Variants in RORA observed in about 807,000 individuals in gnomAD.
RORA encodes nuclear receptor ROR-alpha.
Under a neutral mutation model 69.5 loss-of-function variants are expected in RORA, and 7 were observed. That is an observed-to-expected ratio of 0.10 (90% CI 0.06 to 0.19). The LOEUF (loss-of-function observed/expected upper bound fraction) is 0.19, where lower values mean the gene tolerates loss of function less well. RORA is among the 10% of genes least tolerant of loss of function. The pLI, the probability that RORA is intolerant of heterozygous loss-of-function variation, is 1.00. For synonymous variants in RORA, 261 were observed against 240.8 expected (o/e 1.08, Z -0.78); for missense variants, 457 against 663.0 (o/e 0.69, Z 3.41).
intron 1 of RORA, among the ~76,000 whole-genome samples, chr15:61,083,157 T>C (rs752360538): frequency 6.6e-6 from 1 of 152,192 alleles, no homozygotes; most frequent in Admixed American, 6.5e-5. Flanking sequence ...GCAGGATTCT[T>C]TCTCTTGTGC....
chr15:61,133,661 G>A (rs1187946336), intron 1 of RORA, among the ~76,000 whole-genome samples: 1 of 152,108 alleles, frequency 6.6e-6, no homozygotes, highest in African/African-American at 2.4e-5. Flanking sequence ...CTGGGGCCAC[G>A]ACTACATTCA....
chr15:61,183,444 A>G (rs2079707942), intron 1 of RORA, among the ~76,000 whole-genome samples: 1 of 152,026 alleles, frequency 6.6e-6, no homozygotes, highest in Admixed American at 6.5e-5. Flanking sequence ...CTGAGGCAGG[A>G]AAATCGCTTG....
At chr15:60,962,696 G>C (rs1893449076) in intron 1 of RORA, among the ~76,000 whole-genome samples, 1 of 152,148 alleles carries the variant, frequency 6.6e-6, no homozygotes, top group South Asian at 2.1e-4. Context: ...AAACATGAAT[G>C]TTGCTCTTCA....
chr15:60,603,308 T>C (rs2068864077), intron 2 of RORA, among the ~76,000 whole-genome samples: 1 of 152,216 alleles, frequency 6.6e-6, no homozygotes, highest in Non-Finnish European at 1.5e-5. Flanking sequence ...TCATATGGGA[T>C]GGATATATAC....
intron 2 of RORA, among the ~76,000 whole-genome samples, chr15:60,589,429 G>A (rs1291135308): frequency 6.6e-6 from 1 of 152,186 alleles, no homozygotes; most frequent in African/African-American, 2.4e-5. Flanking sequence ...TGAAGCAAAG[G>A]GGTATATCAT....
At chr15:61,094,499 A>G (rs905028567) in intron 1 of RORA, among the ~76,000 whole-genome samples, 8 of 152,186 alleles carry the variant, frequency 5.3e-5, no homozygotes, top group Non-Finnish European at 8.8e-5. Context: ...TGCCCATCCA[A>G]TGAATATAGA....
intron 1 of RORA, among the ~76,000 whole-genome samples, chr15:60,957,197 G>C (rs185866709): frequency 1.3e-5 from 2 of 152,194 alleles, no homozygotes; most frequent in Admixed American, 6.5e-5. Context: ...TAGAATATGC[G>C]TTCAAGTAAG....
chr15:61,142,215 G>A (rs1437843903), intron 1 of RORA, among the ~76,000 whole-genome samples: 1 of 152,042 alleles, frequency 6.6e-6, no homozygotes, highest in African/African-American at 2.4e-5. Flanking sequence ...GAGTGTTTCA[G>A]CTGAATTCTC....
intron 1 of RORA, among the ~76,000 whole-genome samples, chr15:61,075,974 G>A (rs1018217366): frequency 6.6e-6 from 1 of 152,152 alleles, no homozygotes; most frequent in Non-Finnish European, 1.5e-5. Flanking sequence ...TTGTTACCCT[G>A]CTGAGGCAGC....
chr15:60,762,679 T>C (rs2071912781), intron 1 of RORA, among the ~76,000 whole-genome samples: 1 of 152,216 alleles, frequency 6.6e-6, no homozygotes, highest in African/African-American at 2.4e-5. Flanking sequence ...TCATTTTACT[T>C]GAAGCTACTG....
chr15:60,516,875 A>T (rs1005814455), intron 3 of RORA, among the ~76,000 whole-genome samples: 1 of 152,180 alleles, frequency 6.6e-6, no homozygotes, highest in African/African-American at 2.4e-5. Flanking sequence ...ATGGGATTCA[A>T]CCACTACAAA....
chr15:60,592,440 C>CAGGGAGAGCGG (rs2068555447), intron 2 of RORA: 1 of 1,420,560 alleles, frequency 7.0e-7, no homozygotes, highest in Non-Finnish European at 9.3e-7. Context: ...GCGGAGAGCG[C>CAGGGAGAGCGG]AGGGAGAGCG....
chr15:60,559,281 T>G (rs929692928), intron 2 of RORA, among the ~76,000 whole-genome samples: 7 of 152,224 alleles, frequency 4.6e-5, no homozygotes, highest in African/African-American at 1.4e-4. Flanking sequence ...TTTATCCTTT[T>G]TATGTTTTTT....
chr15:61,102,442 C>T (rs1185590134), intron 1 of RORA, among the ~76,000 whole-genome samples: 2 of 152,222 alleles, frequency 1.3e-5, no homozygotes, highest in African/African-American at 4.8e-5. Context: ...CTGTCAGAGC[C>T]ACAGCTGAGG....
chr15:60,893,387 G>T (rs1362399411), intron 1 of RORA, among the ~76,000 whole-genome samples: 1 of 152,198 alleles, frequency 6.6e-6, no homozygotes, highest in Non-Finnish European at 1.5e-5. Context: ...AGGGAAGAGG[G>T]TATTAAACAT....
rs1352326094 is a variant in RORA at position 60,595,488 on chromosome 15, C to T, written c.197-63637G>A. Among the ~76,000 whole-genome samples the T allele has an allele frequency of 1.3e-5, 2 of 151,636 alleles. 1 individual carries two copies. Among genetic ancestry groups the T allele is most frequent in the Non-Finnish European group, 2.9e-5 (2 of 67,940 alleles). ...TGAGATCACACCACTGCACTCCAGC[C>T]TGGGCGACAGAGCAATAATCTGTCT... On this transcript the variant is annotated intron_variant, in intron 2 of 10. Transcript: ENST00000335670.
In RORA at chr15:60,647,345, G is replaced by T. The variant is rs1657786; in HGVS notation, c.196+31312C>A. 3.8e-3 allele frequency among the ~76,000 whole-genome samples: 578 copies of T among 152,342 alleles called. 3 individuals carry two copies. Among genetic ancestry groups the T allele is most frequent in the African/African-American group, 0.013 (537 of 41,584 alleles). ...TGGGGTAGTTCCCTGAGCCAGAAAA[G>T]ACAGAGACTTATGAAGCCCTGCATA... On this transcript the variant is annotated intron_variant, in intron 2 of 10. Coordinates refer to ENST00000335670, the MANE Select transcript of RORA (RefSeq NM_134261.3).
chr15:60,664,709 A>T (rs965564950), intron 2 of RORA, among the ~76,000 whole-genome samples: 1 of 152,200 alleles, frequency 6.6e-6, no homozygotes, highest in African/African-American at 2.4e-5. Flanking sequence ...AATCAGTGTT[A>T]AGATAGAATT....
chr15:60,592,428 G>C, intron 2 of RORA: 1 of 1,430,674 alleles, frequency 7.0e-7, no homozygotes, highest in Non-Finnish European at 9.2e-7. Context: ...TTAAGCCGCG[G>C]TGCGGAGAGC....
Sources: allele counts gnomAD v4.1 joint callset (sites outside exome capture counted in the v4.1 genomes callset), GRCh38; gene constraint gnomAD v4.1.1; transcripts MANE v1.5; gene names NCBI Gene and HGNC (gene_info 2026-07-23, HGNC 2026-07-21).